The following TTLL9 variants were observed in gnomAD, a reference collection of about 807,000 sequenced individuals.
The protein encoded by TTLL9 is tubulin tyrosine ligase like 9, also known as probable tubulin polyglutamylase TTLL9.
Under a neutral mutation model 65.6 loss-of-function variants are expected in TTLL9, and 47 were observed. That is an observed-to-expected ratio of 0.72 (90% CI 0.57 to 0.91). The LOEUF is 0.91. TTLL9 is among the 40% of genes least tolerant of loss of function. The probability of loss-of-function intolerance (pLI) is 0.00; values close to 1 mark genes in which losing one functional copy is unlikely to be tolerated. For missense variants in TTLL9, 537 were observed against 568.8 expected, an observed-to-expected ratio of 0.94 and a Z score of 0.57; for synonymous variants, 179 against 204.8, an observed-to-expected ratio of 0.87 and a Z score of 1.07.
chr20:31,902,450 G>C (rs370988795), intron 4 of TTLL9, among the ~76,000 whole-genome samples: 2 of 151,938 alleles, frequency 1.3e-5, no homozygotes, highest in South Asian at 2.1e-4. Flanking sequence ...GCTCGATCTC[G>C]GCTCACTGCA....
rs182153872 is a variant in TTLL9, at chr20:31,943,835, G to A, written c.*814G>A. On this transcript the variant is annotated 3_prime_UTR_variant, in exon 15 of 15. Transcript: ENST00000535842. ...CTGGGCTCATGGGCAGGACAGCTTC[G>A]GGAGTTGAGTGTGAGTAAAAATCTG... is the stretch of plus-strand genomic sequence containing the variant. The A allele has an allele frequency of 3.3e-5, 15 of 456,626 alleles. No homozygotes were observed. In the East Asian group the frequency reaches 7.6e-4, roughly 23 times the overall value. 28.3% of individuals were successfully genotyped at this position (456,626 alleles called of 1,614,324 possible).
intron 3 of TTLL9, among the ~76,000 whole-genome samples, chr20:31,889,901 C>T (rs1021840311): frequency 2.6e-5 from 4 of 151,998 alleles, no homozygotes; most frequent in African/African-American, 9.7e-5. Flanking sequence ...CAAATGGCCA[C>T]TACAGCTCCA....
chr20:31,873,825 A>AAGGAAGG (rs1568723343), intron 2 of TTLL9, among the ~76,000 whole-genome samples: 3 of 30,328 alleles, frequency 9.9e-5, no homozygotes, highest in African/African-American at 4.8e-4. Context: ...AGGAAGGAAG[A>AAGGAAGG]AAGAAAGAAA....
intron 2 of TTLL9, among the ~76,000 whole-genome samples, chr20:31,880,722 C>T (rs1459839282): frequency 1.3e-5 from 2 of 152,128 alleles, no homozygotes; most frequent in South Asian, 2.1e-4. Context: ...CTCTTGACCT[C>T]GTGATCTGCC....
intron 3 of TTLL9, among the ~76,000 whole-genome samples, chr20:31,889,729 T>C (rs1039547746): frequency 8.3e-6 from 1 of 121,164 alleles, no homozygotes; most frequent in Non-Finnish European, 1.8e-5. Flanking sequence ...CTAGCTAATT[T>C]TTTTAATTTT....
chr20:31,919,924 T>C lies in TTLL9; in HGVS notation c.565T>C (p.Trp189Arg). Residue 189 changes from tryptophan to arginine, a missense_variant, in exon 7 of 15, where the codon TGG (tryptophan) becomes CGG (arginine). Coordinates refer to ENST00000535842, the MANE Select transcript of TTLL9 (RefSeq NM_001008409.5). ...CCGTAGGCTGAAGGACATCGTGGAC[T>C]GGAGGAAGGTGAGCCTGCCTCTTCC... ...LFRRLKDIVD[W>R]RKDTRSSDDQ... 9 of 1,588,354 alleles carry C rather than the reference T, an allele frequency of 5.7e-6. No individual in the cohort carries two copies. Among genetic ancestry groups the C allele is most frequent in the Non-Finnish European group, 7.7e-6 (9 of 1,167,890 alleles).
At chr20:31,910,334 C>T (rs1020157835) in intron 6 of TTLL9, among the ~76,000 whole-genome samples, 1 of 152,232 alleles carries the variant, frequency 6.6e-6, no homozygotes, top group Non-Finnish European at 1.5e-5. Context: ...GTGCCAGGCA[C>T]AGACCTAGGT....
chr20:31,935,828 A>G (rs1382493386), intron 12 of TTLL9, among the ~76,000 whole-genome samples: 1 of 152,198 alleles, frequency 6.6e-6, no homozygotes, highest in Non-Finnish European at 1.5e-5. Flanking sequence ...TGAGACCCCT[A>G]AACAATTGCC....
At chr20:31,872,403 A>G (rs2062949100) in intron 2 of TTLL9, among the ~76,000 whole-genome samples, 1 of 151,902 alleles carries the variant, frequency 6.6e-6, no homozygotes, top group Non-Finnish European at 1.5e-5. Context: ...TTGGCTGGGT[A>G]TGATGGCTCA....
intron 3 of TTLL9, among the ~76,000 whole-genome samples, chr20:31,894,343 C>A (rs922820850): frequency 3.9e-5 from 6 of 151,974 alleles, no homozygotes; most frequent in Non-Finnish European, 8.8e-5. Context: ...GGTGATCCTG[C>A]CACCTCAGCC....
intron 2 of TTLL9, among the ~76,000 whole-genome samples, chr20:31,882,681 G>C (rs1322214140): frequency 2.0e-5 from 3 of 151,996 alleles, no homozygotes; most frequent in Admixed American, 1.3e-4. Context: ...TTAGTGGTTT[G>C]GGGAAAGTAT....
In TTLL9 at chr20:31,937,484, C is replaced by T. The variant is rs1179257403; in HGVS notation, c.1093C>T (p.Leu365=). ...CAAGACCTGCCTCCTGGAAGACACC[C>T]TGCATGTTGTGGACATGGAAGCGAG... ...ELKTCLLEDT[L]HVVDMEARLT... Residue 365 remains leucine (L), a synonymous_variant, in exon 13 of 15, where the codon CTG becomes TTG. Transcript: ENST00000535842. 2 of 1,613,600 alleles carry T rather than the reference C, an allele frequency of 1.2e-6. No homozygotes were observed. The highest frequency in any genetic ancestry group is 1.3e-5 in the African/African-American group (1 of 74,906).
rs183767241 is a variant in TTLL9 at position 31,922,989 on chromosome 20, A to G, written c.600A>G (p.Lys200=). The change falls in exon 8 of 15, where the codon AAA becomes AAG. Residue 200 remains lysine (K), a synonymous_variant. Transcript: ENST00000535842. ...ACACAAGAAGCTCTGACGACCAGAAAGATGATATTCCCGTGGAGAACTATG... is the reference window on the plus strand; with the variant it reads ...ACACAAGAAGCTCTGACGACCAGAAGGATGATATTCCCGTGGAGAACTATG... ...RKDTRSSDDQ[K]DDIPVENYVA... 3.7e-6 allele frequency: 6 copies of G among 1,614,082 alleles called. No individual in the cohort carries two copies. The African/African-American group carries it at 5.3e-5, about 14-fold the overall frequency.
chr20:31,873,730 G>GAA (rs1398589493), intron 2 of TTLL9, among the ~76,000 whole-genome samples: 6 of 103,836 alleles, frequency 5.8e-5, no homozygotes, highest in African/African-American at 2.2e-4. Flanking sequence ...AAGAAAGAAA[G>GAA]AAAGAAAAAG....
chr20:31,933,419 A>T (rs938820296), intron 10 of TTLL9, among the ~76,000 whole-genome samples: 20 of 133,488 alleles, frequency 1.5e-4, no homozygotes, highest in African/African-American at 3.9e-4. Context: ...CTCTTGAATT[A>T]AAAAAAAAAA....
chr20:31,903,627 G>A (rs1000393663), intron 4 of TTLL9, among the ~76,000 whole-genome samples: 2 of 152,034 alleles, frequency 1.3e-5, no homozygotes, highest in Admixed American at 1.3e-4. Context: ...CTAGATCTTC[G>A]ATTTAATTTT....
rs2064293141 is a variant in TTLL9, at chr20:31,944,767, A to G, written c.*1746A>G. 1 of 152,226 alleles carries G rather than the reference A, an allele frequency of 6.6e-6. No individual in the cohort carries two copies. 9.4% of individuals were successfully genotyped at this position (152,226 alleles called of 1,614,324 possible). ...CCATGACAGCCTGTGTTTCTATGTAACTATGAGCCAGAGCCAAGGAGCGGG... is the reference window on the plus strand; with the variant it reads ...CCATGACAGCCTGTGTTTCTATGTAGCTATGAGCCAGAGCCAAGGAGCGGG... On this transcript the variant is annotated 3_prime_UTR_variant, in exon 15 of 15. Coordinates refer to ENST00000535842, the MANE Select transcript of TTLL9 (RefSeq NM_001008409.5).
chr20:31,893,252 G>C (rs919273704), intron 3 of TTLL9, among the ~76,000 whole-genome samples: 2 of 149,992 alleles, frequency 1.3e-5, no homozygotes, highest in Admixed American at 1.3e-4. Flanking sequence ...TTGTCTTCAG[G>C]CTTATGTTGT....
chr20:31,895,810 C>CATTTATTTATTT (rs1399516271), intron 3 of TTLL9, among the ~76,000 whole-genome samples: 1 of 138,510 alleles, frequency 7.2e-6, no homozygotes, highest in African/African-American at 2.9e-5. Context: ...TAAGGTTATT[C>CATTTATTTATTT]ATGTATTTAT....
Sources: allele counts gnomAD v4.1 joint callset (sites outside exome capture counted in the v4.1 genomes callset), GRCh38; gene constraint gnomAD v4.1.1; transcripts MANE v1.5; gene names NCBI Gene and HGNC (gene_info 2026-07-23, HGNC 2026-07-21).